ATP13A3: variants seen among roughly 807,000 people sequenced by gnomAD.
The protein encoded by ATP13A3 is ATPase 13A3, also known as polyamine-transporting ATPase 13A3.
A neutral mutation model predicts 158.1 loss-of-function variants in ATP13A3; 59 were observed. The ratio of observed to expected loss-of-function variants is 0.37; its 90% CI spans 0.30 to 0.46. The LOEUF (loss-of-function observed/expected upper bound fraction) is 0.46. Ranked by LOEUF, ATP13A3 falls within the 20% of genes least tolerant of loss-of-function variation. The pLI, the probability that ATP13A3 is intolerant of heterozygous loss-of-function variation, is 1.00. For synonymous variants in ATP13A3, 491 were observed against 504.3 expected (o/e 0.97, Z 0.35); for missense variants, 1,166 against 1,525.2 (o/e 0.76, Z 3.92).
In ATP13A3 at chr3:194,454,438, C is replaced by T. The variant is rs148118370; in HGVS notation, c.631-46G>A. On this transcript the variant is annotated intron_variant, in intron 8 of 33. Transcript: ENST00000645319. ...GTCAAACTGAATGAGGTATTAATGA[C>T]CATACAGATTGTCCATCTTTTCATT... The T allele has an allele frequency of 1.4e-4, 215 of 1,521,446 alleles. 2 individuals carry two copies. In the East Asian group the frequency reaches 4.5e-3, roughly 32 times the overall value. The allele number at this position is 1,521,446 out of a possible 1,614,324, so 94.2% of individuals were successfully genotyped here.
At position 194,430,315 on chromosome 3, in the gene ATP13A3, A is replaced by C. The variant is rs1261875559; in HGVS notation, c.2625T>G (p.Asp875Glu). 6.2e-7 allele frequency: 1 copy of C among 1,613,176 alleles called. No homozygotes were observed. The highest frequency in any genetic ancestry group is 8.5e-7 in the Non-Finnish European group (1 of 1,179,344). The change falls in exon 25 of 34, where the codon GAT (aspartate) becomes GAG (glutamate). Residue 875 changes from aspartate to glutamate, a missense_variant and splice_region_variant. This residue lies in a region of ATP13A3 where 997 missense variants were observed against 1,341.2 expected (regional missense o/e 0.74). Transcript: ENST00000645319. The part of the protein sequence containing the change: ...TQLIEALQNV[D>E]YFVGMCGDGA... The stretch of plus-strand genomic sequence containing the variant: ...CATCACCACACATCCCAACAAAATA[A>C]CTAAGAAACAAAACAATGTTAAGAT...
Position 194,403,963 on chromosome 3 carries a change from G to C in ATP13A3, c.*1956C>G. ...AGCTCTTTATGATCATGCTCTTAAA[G>C]ATGTTAAATACAATCGGATAATTGA... On this transcript the variant is annotated 3_prime_UTR_variant, in exon 34 of 34. Transcript: ENST00000645319. 2.8e-6 allele frequency: 1 copy of C among 354,762 alleles called. No homozygotes were observed. The highest frequency in any genetic ancestry group is 2.2e-5 in the South Asian group (1 of 45,812). 22.0% of individuals were successfully genotyped at this position (354,762 alleles called of 1,614,324 possible).
intron 2 of ATP13A3, among the ~76,000 whole-genome samples, chr3:194,492,021 G>A (rs1721152793): frequency 6.6e-6 from 1 of 152,102 alleles, no homozygotes; most frequent in South Asian, 2.1e-4. Context: ...AAGCAGAGCT[G>A]CTGATAAAAG....
intron 2 of ATP13A3, 23 bp from the exon 3 acceptor site, chr3:194,462,259 C>T (rs969496239): frequency 1.4e-5 from 20 of 1,386,960 alleles, no homozygotes; most frequent in African/African-American, 4.3e-5. Context: ...AGGGAACAGA[C>T]GTTAGGGAAC....
intron 31 of ATP13A3, among the ~76,000 whole-genome samples, chr3:194,415,807 C>G (rs1205272121): frequency 6.6e-6 from 1 of 151,604 alleles, no homozygotes; most frequent in Admixed American, 6.6e-5. Context: ...TTTCTAATAG[C>G]AAAACACTGG....
chr3:194,409,782 A>G (rs1181596220), intron 33 of ATP13A3, among the ~76,000 whole-genome samples: 1 of 147,094 alleles, frequency 6.8e-6, no homozygotes, highest in Non-Finnish European at 1.5e-5. Flanking sequence ...ATGCCTCCAG[A>G]CAATGCCAAA....
intron 33 of ATP13A3, among the ~76,000 whole-genome samples, chr3:194,408,572 G>A (rs1291393241): frequency 6.6e-6 from 1 of 152,130 alleles, no homozygotes; most frequent in Non-Finnish European, 1.5e-5. Flanking sequence ...TTTGCAAATA[G>A]AACAATAACT....
chr3:194,427,244 T>G lies in ATP13A3; in HGVS notation c.2956A>C (p.Asn986His). 1 of 1,600,960 alleles carries G rather than the reference T, an allele frequency of 6.2e-7. No homozygotes were observed. The highest frequency in any genetic ancestry group is 8.5e-7 in the Non-Finnish European group (1 of 1,176,812). The change falls in exon 29 of 34, where the codon AAT (asparagine) becomes CAT (histidine). Residue 986 changes from asparagine to histidine, a missense_variant. Physicochemically the swap from Asn to His is moderately conservative, Grantham distance 68. Around this residue, in one of 3 missense-constraint regions of ATP13A3, gnomAD observed 997 missense variants for 1,341.2 expected, o/e 0.74. Transcript: ENST00000645319. ...ILVVVFTMSL[N>H]PAWKELVAQR... The stretch of plus-strand genomic sequence containing the variant: ...GCCACAAGTTCTTTCCAGGCAGGAT[T>G]TAAACTCACTATATTGAAAAGAAAA...
intron 8 of ATP13A3, among the ~76,000 whole-genome samples, chr3:194,454,621 G>A (rs547314310): frequency 8.2e-6 from 1 of 121,762 alleles, no homozygotes; most frequent in Non-Finnish European, 1.8e-5. Flanking sequence ...GAGGTCAGGA[G>A]ATCAAAACAT....
rs1714887646 is a variant in ATP13A3 at position 194,405,786 on chromosome 3, C to T, written c.*133G>A. ...GTTTTTATTTTAAGGAAGAGCAAAGCTGTCAAATAAGCTACTATATCAGAA... is the reference window on the plus strand; with the variant it reads ...GTTTTTATTTTAAGGAAGAGCAAAGTTGTCAAATAAGCTACTATATCAGAA... On this transcript the variant is annotated 3_prime_UTR_variant, in exon 34 of 34. Coordinates refer to ENST00000645319, the MANE Select transcript of ATP13A3 (RefSeq NM_001367549.1). The T allele has an allele frequency of 2.3e-6, 2 of 867,832 alleles. No homozygotes were observed. The highest frequency in any genetic ancestry group is 5.1e-5 in the East Asian group (2 of 39,038). The allele number at this position is 867,832 out of a possible 1,614,324, so 53.8% of individuals were successfully genotyped here. A position where few individuals can be genotyped will look rare whatever the true frequency, so the allele number is the denominator to read the frequency against.
At chr3:194,429,584 CTAA>C (rs879719289) in intron 27 of ATP13A3, 91 bp downstream of exon 27, 1,085 of 859,588 alleles carry the variant, frequency 1.3e-3, no homozygotes, top group Non-Finnish European at 1.6e-3. Context: ...GAAACAATTA[CTAA>C]TGGATGCATT....
intron 32 of ATP13A3, 26 bp from the exon 33 acceptor site, chr3:194,412,314 A>C (rs1444130402): frequency 6.7e-7 from 1 of 1,503,306 alleles, no homozygotes; most frequent in South Asian, 1.2e-5. Context: ...GTGAGTTAAG[A>C]ATTAATAATG....
chr3:194,408,749 C>T (rs1379527603), intron 33 of ATP13A3, among the ~76,000 whole-genome samples: 2 of 152,064 alleles, frequency 1.3e-5, no homozygotes, highest in African/African-American at 4.8e-5. Flanking sequence ...AAGTATCATA[C>T]ACAAAAAGTA....
intron 16 of ATP13A3, among the ~76,000 whole-genome samples, chr3:194,440,467 C>T (rs80019982): frequency 0.018 from 2,694 of 152,234 alleles, 83 homozygotes; most frequent in African/African-American, 0.062. Flanking sequence ...ACTTTAAGAA[C>T]CCCTGTCGAT....
intron 2 of ATP13A3, 38 bp from the exon 3 acceptor site, chr3:194,462,274 T>C: frequency 7.6e-7 from 1 of 1,322,458 alleles, no homozygotes; most frequent in Non-Finnish European, 1.1e-6. Flanking sequence ...GGGAACTATC[T>C]TCTATCTTAG....
rs1717068724 is a variant in ATP13A3 at position 194,429,587 on chromosome 3, A to G, written c.2874+91T>C. 9 of 882,458 alleles carry G rather than the reference A, an allele frequency of 1.0e-5. No homozygotes were observed. In the South Asian group the frequency reaches 1.8e-4, roughly 18 times the overall value. 54.7% of individuals were successfully genotyped at this position (882,458 alleles called of 1,614,324 possible). On this transcript the variant is annotated intron_variant, in intron 27 of 33. Transcript: ENST00000645319. ...GTACTACTCACAGAAACAATTACTA[A>G]TGGATGCATTCAAAATCAAACACAT...
At chr3:194,431,358 T>C in intron 22 of ATP13A3, 132 bp from the exon 23 acceptor site, 1 of 1,133,962 alleles carries the variant, frequency 8.8e-7, no homozygotes, top group Non-Finnish European at 1.2e-6. Flanking sequence ...AAGCCGGACA[T>C]TTATTCAAAG....
intron 33 of ATP13A3, among the ~76,000 whole-genome samples, 178 bp from the exon 34 acceptor site, chr3:194,406,294 G>A (rs370887614): frequency 1.3e-5 from 2 of 152,128 alleles, no homozygotes; most frequent in Non-Finnish European, 1.5e-5. Context: ...GCCGGGCGTG[G>A]TGGCTCATGT....
chr3:194,469,275 T>C (rs1720182149), intron 2 of ATP13A3, among the ~76,000 whole-genome samples: 2 of 151,890 alleles, frequency 1.3e-5, no homozygotes, highest in African/African-American at 4.8e-5. Flanking sequence ...CCAGCCAACA[T>C]AGTGAAACCC....
Sources: gnomAD v4.1 joint callset for allele counts (sites outside exome capture counted in the v4.1 genomes callset) on GRCh38, gnomAD v4.1.1 for gene constraint, gnomAD v4.1.1 regional missense constraint, MANE v1.5 for transcripts, NCBI Gene and HGNC (gene_info 2026-07-23, HGNC 2026-07-21) for gene names.